Variants in FSIP1 observed in about 807,000 individuals in gnomAD.
FSIP1 encodes the protein fibrous sheath-interacting protein 1.
Under a neutral mutation model 60.9 loss-of-function variants are expected in FSIP1, and 65 were observed. That is an observed-to-expected ratio of 1.07 (90% CI 0.87 to 1.31). FSIP1 has a LOEUF of 1.31. Among genes scored for constraint, FSIP1 ranks in the 40% most tolerant of loss-of-function variants. FSIP1 has a pLI of 0.00. For synonymous variants in FSIP1, 209 were observed against 221.2 expected (o/e 0.94, Z 0.49); for missense variants, 675 against 665.5 (o/e 1.01, Z -0.16).
At chr15:39,613,666 A>G (rs1309383830) in intron 11 of FSIP1, among the ~76,000 whole-genome samples, 1 of 152,148 alleles carries the variant, frequency 6.6e-6, no homozygotes, top group East Asian at 1.9e-4. Context: ...AAAAAATTGC[A>G]GGCCAATATC....
chr15:39,677,801 T>A (rs1022249809), intron 10 of FSIP1, among the ~76,000 whole-genome samples: 19 of 152,060 alleles, frequency 1.2e-4, no homozygotes, highest in African/African-American at 4.6e-4. Context: ...ATGGAGACCA[T>A]CCTGGCCAAC....
At position 39,709,760 on chromosome 15, in the gene FSIP1, T is replaced by C. The variant is rs188963526; in HGVS notation, c.1188+3684A>G. ...GAGCATGCAAACTAGACCTCTGGCA[T>C]GTGCAGTTCACAACAGGACTCGCGC... On this transcript the variant is annotated intron_variant, in intron 10 of 11. Transcript: ENST00000350221. 1.7e-3 allele frequency among the ~76,000 whole-genome samples: 261 copies of C among 152,280 alleles called. 1 individual carries two copies. Among genetic ancestry groups the C allele is most frequent in the Middle Eastern group, 6.8e-3 (2 of 294 alleles).
At chr15:39,688,695 C>T (rs924080952) in intron 10 of FSIP1, among the ~76,000 whole-genome samples, 3 of 152,142 alleles carry the variant, frequency 2.0e-5, no homozygotes, top group African/African-American at 7.2e-5. Context: ...TATGCAGAAG[C>T]ACAGCCCTGT....
chr15:39,690,952 G>A (rs914724554), intron 10 of FSIP1, among the ~76,000 whole-genome samples: 11 of 152,216 alleles, frequency 7.2e-5, no homozygotes, highest in African/African-American at 2.6e-4. Flanking sequence ...CTTTCCAAGG[G>A]ACCTCTGCTG....
In FSIP1 at chr15:39,665,067, T is replaced by G. The variant is rs112806245; in HGVS notation, c.1189-46822A>C. ...GCAAGTCCTATCTTCTATTAAGCCT[T>G]CCCCTTCTCCCACCACTCCCATCGA... On this transcript the variant is annotated intron_variant, in intron 10 of 11. Transcript: ENST00000350221. 3.6e-3 allele frequency among the ~76,000 whole-genome samples: 547 copies of G among 152,240 alleles called. 5 individuals are homozygous for G. The highest frequency in any genetic ancestry group is 0.012 in the African/African-American group (507 of 41,536).
intron 10 of FSIP1, among the ~76,000 whole-genome samples, chr15:39,658,485 G>T (rs186713218): frequency 1.3e-5 from 2 of 152,048 alleles, no homozygotes; most frequent in African/African-American, 4.8e-5. Flanking sequence ...CCTGATCTCC[G>T]GTGATCCGCC....
intron 4 of FSIP1, 83 bp from the exon 5 acceptor site, chr15:39,763,997 C>T: frequency 1.4e-6 from 1 of 736,114 alleles, no homozygotes; most frequent in Non-Finnish European, 2.4e-6. Context: ...ACACGGCTCC[C>T]AATCACATAC....
intron 9 of FSIP1, among the ~76,000 whole-genome samples, chr15:39,718,415 A>C (rs973452653): frequency 6.6e-6 from 1 of 152,162 alleles, no homozygotes; most frequent in Admixed American, 6.5e-5. Context: ...CTGATGATTT[A>C]ATCTTATTTT....
rs1360374697 is a variant in FSIP1, at chr15:39,765,629, C to A, written c.428G>T (p.Gly143Val). The A allele has an allele frequency of 1.2e-6, 2 of 1,602,808 alleles. No individual in the cohort carries two copies. Among genetic ancestry groups the A allele is most frequent in the Non-Finnish European group, 1.7e-6 (2 of 1,176,276 alleles). The change falls in exon 4 of 12, where the codon GGT (glycine) becomes GTT (valine). Residue 143 changes from glycine (G) to valine (V), a missense_variant. Gly to Val is a moderately radical substitution (Grantham distance 109). Coordinates refer to ENST00000350221, the MANE Select transcript of FSIP1 (RefSeq NM_152597.5). ...CCACAGCTTTATTCTCATTTCTAGA[C>A]CTTGCTTCTTAATTTCTTTTTCTCT... ...QRREKEIKKQ[G>V]LEMRIKLWEE...
At chr15:39,629,625 G>T (rs1891796703) in intron 10 of FSIP1, among the ~76,000 whole-genome samples, 1 of 152,152 alleles carries the variant, frequency 6.6e-6, no homozygotes. Flanking sequence ...ATTTCCTGTT[G>T]CCCTCACATC....
intron 10 of FSIP1, among the ~76,000 whole-genome samples, chr15:39,669,142 C>T (rs1893618439): frequency 1.3e-5 from 2 of 152,130 alleles, no homozygotes. Context: ...TAGGGCCAGC[C>T]TCAGCTGCAG....
chr15:39,711,650 C>T (rs1482178155), intron 10 of FSIP1, among the ~76,000 whole-genome samples: 1 of 149,110 alleles, frequency 6.7e-6, no homozygotes, highest in Admixed American at 6.7e-5. Flanking sequence ...CAAGAGCCTC[C>T]TTACACTTCC....
intron 8 of FSIP1, among the ~76,000 whole-genome samples, chr15:39,729,581 G>GA (rs879733756): frequency 1.0e-4 from 15 of 149,758 alleles, no homozygotes; most frequent in Admixed American, 2.0e-4. Flanking sequence ...CTTAAGGAGA[G>GA]AAAAAAAAAG....
At chr15:39,661,485 G>C (rs1893294077) in intron 10 of FSIP1, among the ~76,000 whole-genome samples, 1 of 152,056 alleles carries the variant, frequency 6.6e-6, no homozygotes, top group Non-Finnish European at 1.5e-5. Context: ...CTAATAACAT[G>C]ATTACATTAA....
At chr15:39,621,017 G>A (rs35913556) in intron 10 of FSIP1, among the ~76,000 whole-genome samples, 6,999 of 133,916 alleles carry the variant, frequency 0.052, 224 homozygotes, top group Middle Eastern at 0.085. Flanking sequence ...CACAGAGCCA[G>A]AAATTTATAT....
Position 39,738,138 on chromosome 15 carries a change from G to T in FSIP1, c.844C>A (p.Leu282Ile), listed in dbSNP as rs1211022087. 2.0e-5 allele frequency: 32 copies of T among 1,613,158 alleles called. No homozygotes were observed. The highest frequency in any genetic ancestry group is 2.6e-5 in the Non-Finnish European group (31 of 1,179,682). Reference protein sequence around the residue: ...VDREKKRLVELLKDLDEKDSG... With the variant: ...VDREKKRLVEILKDLDEKDSG... Reference sequence around the variant, plus strand: ...TCTTTCTCATCCAAGTCCTTCAAAAGCTCAACCAGCCTTTTCTTCTCTCTG... The same window carrying T: ...TCTTTCTCATCCAAGTCCTTCAAAATCTCAACCAGCCTTTTCTTCTCTCTG... The change falls in exon 8 of 12, where the codon CTT becomes ATT. Residue 282 changes from leucine to isoleucine, a missense_variant. Transcript: ENST00000350221.
At chr15:39,675,586 C>T (rs1893906734) in intron 10 of FSIP1, among the ~76,000 whole-genome samples, 1 of 152,048 alleles carries the variant, frequency 6.6e-6, no homozygotes, top group South Asian at 2.1e-4. Flanking sequence ...AAAATTAACT[C>T]CTGAAAGATG....
rs539775454 is a variant in FSIP1, at chr15:39,717,605, T to C, written c.1051-4024A>G. Among the ~76,000 whole-genome samples the C allele has an allele frequency of 2.6e-5, 4 of 152,304 alleles. No homozygotes were observed. The South Asian group carries it at 8.3e-4, about 32-fold the overall frequency. On this transcript the variant is annotated intron_variant, in intron 9 of 11. Transcript: ENST00000350221. Reference sequence around the variant, plus strand: ...AGGTATCCCTTTTCAATGGGAGTGTTTGCTACAGTCCATGCCAAAACAATA... The same window carrying C: ...AGGTATCCCTTTTCAATGGGAGTGTCTGCTACAGTCCATGCCAAAACAATA...
intron 10 of FSIP1, among the ~76,000 whole-genome samples, chr15:39,678,704 C>T (rs1016930767): frequency 6.6e-5 from 10 of 152,092 alleles, no homozygotes; most frequent in African/African-American, 1.9e-4. Context: ...TGCTGTTTTA[C>T]GTTATCACTC....
Sources: gnomAD v4.1 joint callset for allele counts (sites outside exome capture counted in the v4.1 genomes callset) on GRCh38, gnomAD v4.1.1 for gene constraint, MANE v1.5 for transcripts, NCBI Gene and HGNC (gene_info 2026-07-23, HGNC 2026-07-21) for gene names.